Variants in COG5 observed in about 807,000 individuals in gnomAD.
COG5 encodes the protein conserved oligomeric Golgi complex subunit 5.
A neutral mutation model predicts 110.4 loss-of-function variants in COG5; 86 were observed. The ratio of observed to expected loss-of-function variants is 0.78; its 90% CI spans 0.65 to 0.93. COG5 has a LOEUF of 0.93. COG5 is among the 40% of genes least tolerant of loss of function. The pLI is 0.00. For missense variants in COG5, 1,077 were observed against 987.0 expected (o/e 1.09, Z -1.22); for synonymous variants, 360 against 334.6 (o/e 1.08, Z -0.83).
rs576957675 is a variant in COG5, at chr7:107,208,761, C to A, written c.2375+1765G>T. The A allele has an allele frequency of 1.0e-5, 10 of 985,450 alleles. No individual in the cohort carries two copies. The African/African-American group carries it at 1.4e-4, about 14-fold the overall frequency. The allele number at this position is 985,450 out of a possible 1,614,324, so 61.0% of individuals were successfully genotyped here. The stretch of plus-strand genomic sequence containing the variant: ...CCGAGCTAATCTTTATCCACACATA[C>A]GCCCAGAGGGCCAGTGGCTCATGTG... On this transcript the variant is annotated intron_variant, in intron 21 of 21. Coordinates refer to ENST00000297135, the MANE Select transcript of COG5 (RefSeq NM_006348.5).
At chr7:107,428,800 C>G (rs1793820549) in intron 6 of COG5, among the ~76,000 whole-genome samples, 1 of 152,194 alleles carries the variant, frequency 6.6e-6, no homozygotes, top group Non-Finnish European at 1.5e-5. Flanking sequence ...TGCAGAGCAG[C>G]TGCAGGATGA....
At chr7:107,314,888 T>A (rs1808593171) in intron 11 of COG5, among the ~76,000 whole-genome samples, 1 of 152,236 alleles carries the variant, frequency 6.6e-6, no homozygotes, top group Non-Finnish European at 1.5e-5. Context: ...CCAAGGTATA[T>A]AAACTTTTAG....
chr7:107,222,081 A>T (rs1342838368), intron 19 of COG5, among the ~76,000 whole-genome samples: 1 of 152,210 alleles, frequency 6.6e-6, no homozygotes, highest in East Asian at 1.9e-4. Flanking sequence ...GTACATGCGC[A>T]TAACAGCATG....
intron 12 of COG5, among the ~76,000 whole-genome samples, chr7:107,293,744 A>G (rs777688721): frequency 5.9e-5 from 9 of 151,904 alleles, no homozygotes; most frequent in Non-Finnish European, 1.0e-4. Flanking sequence ...TAACTTCCCT[A>G]TGTAATCTCT....
At chr7:107,525,798 G>A (rs1229334213) in intron 6 of COG5, among the ~76,000 whole-genome samples, 1 of 152,052 alleles carries the variant, frequency 6.6e-6, no homozygotes, top group African/African-American at 2.4e-5. Flanking sequence ...CACCCAGGCT[G>A]GTCTCAAACT....
At chr7:107,288,905 GAGATATATATATATATATATATATA>G (rs1462147863) in intron 12 of COG5, among the ~76,000 whole-genome samples, 7 of 67,266 alleles carry the variant, frequency 1.0e-4, no homozygotes, top group Non-Finnish European at 2.1e-4. Flanking sequence ...TTTTCTAACA[GAGATATATATATATATATATATATA>G]TATATATATA....
chr7:107,219,984 T>A (rs377704296), intron 19 of COG5, among the ~76,000 whole-genome samples: 1 of 152,188 alleles, frequency 6.6e-6, no homozygotes, highest in African/African-American at 2.4e-5. Context: ...AAAAATCCTA[T>A]GAGTTAGGTA....
At chr7:107,315,846 A>G (rs1299528481) in intron 11 of COG5, among the ~76,000 whole-genome samples, 17 of 152,208 alleles carry the variant, frequency 1.1e-4, no homozygotes, top group Non-Finnish European at 1.5e-5. Flanking sequence ...GGAAGTTATT[A>G]AAGTAATTAT....
intron 21 of COG5, chr7:107,208,846 G>C: frequency 1.0e-6 from 1 of 985,494 alleles, no homozygotes; most frequent in Non-Finnish European, 1.2e-6. Context: ...CTGACAGGCT[G>C]ATGGTTCTTA....
intron 5 of COG5, among the ~76,000 whole-genome samples, chr7:107,538,767 C>T (rs1554459783): frequency 7.0e-6 from 1 of 142,960 alleles, no homozygotes; most frequent in African/African-American, 2.6e-5. Context: ...AAAAAAAAAG[C>T]ACACACAAAT....
At chr7:107,455,749 A>T (rs1293365375) in intron 6 of COG5, among the ~76,000 whole-genome samples, 2 of 152,102 alleles carry the variant, frequency 1.3e-5, no homozygotes, top group Non-Finnish European at 1.5e-5. Context: ...AACAACAAAA[A>T]AATTATGGAA....
intron 17 of COG5, among the ~76,000 whole-genome samples, chr7:107,241,823 T>C (rs1457936295): frequency 1.3e-5 from 2 of 152,074 alleles, no homozygotes; most frequent in African/African-American, 2.4e-5. Flanking sequence ...CTTTGTCATC[T>C]ATCCTGGAGT....
At chr7:107,469,056 T>TAAATATTTAATTTTAAATATTC (rs1796475060) in intron 6 of COG5, among the ~76,000 whole-genome samples, 1 of 150,504 alleles carries the variant, frequency 6.6e-6, no homozygotes, top group Non-Finnish European at 1.5e-5. Context: ...TTTAAATATT[T>TAAATATTTAATTTTAAATATTC]AAATATTTAA....
At chr7:107,284,937 C>A (rs952008524) in intron 12 of COG5, among the ~76,000 whole-genome samples, 2 of 152,188 alleles carry the variant, frequency 1.3e-5, no homozygotes, top group African/African-American at 4.8e-5. Flanking sequence ...CTAACCTGCT[C>A]CTTCATGTAT....
chr7:107,322,344 C>T (rs531259957), intron 11 of COG5, among the ~76,000 whole-genome samples: 1 of 152,194 alleles, frequency 6.6e-6, no homozygotes, highest in Non-Finnish European at 1.5e-5. Context: ...AACCAGGAAG[C>T]AGGCCCTCAC....
At chr7:107,255,036 A>T (rs1802779206) in intron 16 of COG5, among the ~76,000 whole-genome samples, 2 of 152,228 alleles carry the variant, frequency 1.3e-5, no homozygotes, top group South Asian at 4.1e-4. Flanking sequence ...ATGCAATTAC[A>T]TATGTAGGTA....
chr7:107,250,483 TCA>T, intron 16 of COG5, among the ~76,000 whole-genome samples: 1 of 152,174 alleles, frequency 6.6e-6, no homozygotes, highest in South Asian at 2.1e-4. Context: ...AACATAACAT[TCA>T]CAGTGTTCAG....
intron 14 of COG5, among the ~76,000 whole-genome samples, chr7:107,280,721 T>G (rs1805099257): frequency 6.6e-6 from 1 of 152,084 alleles, no homozygotes; most frequent in African/African-American, 2.4e-5. Context: ...ATTAAGATTA[T>G]GATTCAATTA....
At position 107,262,479 on chromosome 7, in the gene COG5, G is replaced by C. The variant is rs973794183; in HGVS notation, c.1576-4096C>G. On this transcript the variant is annotated intron_variant, in intron 14 of 21. Transcript: ENST00000297135. ...GAGAGCAAGCGGGGCAGGGTATTAAGAATACATATATTCATGGTCACTTAG... is the reference window on the plus strand; with the variant it reads ...GAGAGCAAGCGGGGCAGGGTATTAACAATACATATATTCATGGTCACTTAG... Among the ~76,000 whole-genome samples the C allele has an allele frequency of 1.1e-4, 17 of 152,128 alleles. 1 individual carries two copies.
Sources: allele counts gnomAD v4.1 joint callset (sites outside exome capture counted in the v4.1 genomes callset), GRCh38; gene constraint gnomAD v4.1.1; transcripts MANE v1.5; gene names NCBI Gene and HGNC (gene_info 2026-07-23, HGNC 2026-07-21).